NOTCH1: variants seen among roughly 807,000 people sequenced by gnomAD.
NOTCH1 encodes the protein notch receptor 1, also known as neurogenic locus notch homolog protein 1.
A neutral mutation model predicts 254.8 loss-of-function variants in NOTCH1; 37 were observed. The ratio of observed to expected loss-of-function variants is 0.15; its 90% CI spans 0.11 to 0.19. The LOEUF (loss-of-function observed/expected upper bound fraction) is 0.19, where lower values mean the gene tolerates loss of function less well. Among genes scored for constraint, NOTCH1 ranks in the 10% least tolerant of loss-of-function variants. The pLI is 1.00. For missense variants in NOTCH1, 2,972 were observed against 3,708.6 expected (o/e 0.80, Z 5.16); for synonymous variants, 1,731 against 1,618.1 (o/e 1.07, Z -1.68).
chr9:136,522,228 C>T (rs778038450), intron 4 of NOTCH1, among the ~76,000 whole-genome samples: 14 of 152,318 alleles, frequency 9.2e-5, no homozygotes, highest in Middle Eastern at 3.4e-3. Context: ...CTGCCCACCT[C>T]GGCCTCCCAA....
chr9:136,533,573 G>A (rs866453126), intron 2 of NOTCH1, among the ~76,000 whole-genome samples: 9 of 152,320 alleles, frequency 5.9e-5, no homozygotes, highest in African/African-American at 2.2e-4. Flanking sequence ...GGCAAGCCCA[G>A]CCCCTGCCTG....
intron 4 of NOTCH1, 72 bp downstream of exon 4, chr9:136,522,778 C>G: frequency 7.3e-7 from 1 of 1,371,846 alleles, no homozygotes; most frequent in East Asian, 2.5e-5. Context: ...CTACACCAGG[C>G]GCCCCGTTCC....
chr9:136,507,199 G>C, intron 22 of NOTCH1, 106 bp downstream of exon 22: 1 of 1,584,950 alleles, frequency 6.3e-7, no homozygotes, highest in Non-Finnish European at 8.6e-7. Context: ...GAAAATGGGA[G>C]TTTCTGGCTG....
At position 136,515,609 on chromosome 9, in the gene NOTCH1, G is replaced by C. The variant is rs2133363890; in HGVS notation, c.1777C>G (p.Pro593Ala). The C allele has an allele frequency of 6.2e-7, 1 of 1,609,048 alleles. No homozygotes were observed. Among genetic ancestry groups the C allele is most frequent in the Non-Finnish European group, 8.5e-7 (1 of 1,179,284 alleles). The change falls in exon 11 of 34, where the codon CCA (proline) becomes GCA (alanine). Residue 593 changes from proline (P) to alanine (A), a missense_variant. By Grantham distance (27) the Pro-to-Ala change is conservative. Around this residue, in one of 8 missense-constraint regions of NOTCH1, gnomAD observed 128 missense variants for 193.8 expected, o/e 0.66. Transcript: ENST00000651671. ...GVATFTCLCR[P>A]GYTGHHCETN... ...TCGCAGTGGTGGCCCGTGTAGCCTG[G>C]GCGGCAGAGGCAGGTGAAGGTGGCG...
intron 2 of NOTCH1, among the ~76,000 whole-genome samples, chr9:136,534,743 G>T (rs1256574345): frequency 6.6e-6 from 1 of 151,950 alleles, no homozygotes; most frequent in Non-Finnish European, 1.5e-5. Context: ...CGATGGGGCC[G>T]CTGTGTGTGC....
rs533558605 is a variant in NOTCH1 at position 136,537,745 on chromosome 9, G to A, written c.140+6279C>T. On this transcript the variant is annotated intron_variant, in intron 2 of 33. Transcript: ENST00000651671. Reference sequence around the variant, plus strand: ...CAGGAGTTTGAGGCTGCAGTCAGCCGTGATCCCACCACTTCACTCCAGCCT... The same window carrying A: ...CAGGAGTTTGAGGCTGCAGTCAGCCATGATCCCACCACTTCACTCCAGCCT... 3.9e-3 allele frequency among the ~76,000 whole-genome samples: 587 copies of A among 152,240 alleles called. 2 individuals carry two copies. The highest frequency in any genetic ancestry group is 0.013 in the African/African-American group (556 of 41,522).
chr9:136,535,347 C>G (rs184463631), intron 2 of NOTCH1, among the ~76,000 whole-genome samples: 1 of 152,108 alleles, frequency 6.6e-6, no homozygotes, highest in Non-Finnish European at 1.5e-5. Context: ...CGGGCTCAAT[C>G]TGGAGTGTAG....
At position 136,508,070 on chromosome 9, in the gene NOTCH1, C is replaced by A. The variant is rs1336014812; in HGVS notation, c.3395G>T (p.Arg1132Leu). 6.2e-7 allele frequency: 1 copy of A among 1,610,820 alleles called. No individual in the cohort carries two copies. Among genetic ancestry groups the A allele is most frequent in the Non-Finnish European group, 8.5e-7 (1 of 1,179,966 alleles). Residue 1132 changes from arginine to leucine, a missense_variant, in exon 21 of 34, where the codon CGC (arginine) becomes CTC (leucine). By Grantham distance (102) the Arg-to-Leu change is moderately radical. Around this residue, in one of 8 missense-constraint regions of NOTCH1, gnomAD observed 1,343 missense variants for 1,557.0 expected, o/e 0.86. Transcript: ENST00000651671. ...GCTGCCTGTGTAGCCCGCCTGGCAG[C>A]GGCAGTGGTGCGTGTTGCCCGCGTC... ...CVDAGNTHHC[R>L]CQAGYTGSYC...
rs901358696 is a variant in NOTCH1, at chr9:136,498,887, C to A, written c.6180+12G>T. ...CCTCACGTCTCCCCTGGCATCCCAG[C>A]CTCGCGCTCACCCTGTTGTTCTGCA... On this transcript the variant is annotated intron_variant, in intron 33 of 33. Transcript: ENST00000651671. 1 of 1,613,402 alleles carries A rather than the reference C, an allele frequency of 6.2e-7. No homozygotes were observed. Among genetic ancestry groups the A allele is most frequent in the Non-Finnish European group, 8.5e-7 (1 of 1,179,906 alleles).
chr9:136,519,654 G>T lies in NOTCH1; in HGVS notation c.743-89C>A, dbSNP rs768989263. The T allele has an allele frequency of 6.2e-6, 10 of 1,601,136 alleles. No individual in the cohort carries two copies. In the South Asian group the frequency reaches 7.7e-5, roughly 12 times the overall value. The stretch of plus-strand genomic sequence containing the variant: ...CCGACACACTGCTCTGGACACAAGA[G>T]CCTGGCCTCCACGGCCCTGCCCTGG... On this transcript the variant is annotated intron_variant, in intron 4 of 33. Transcript: ENST00000651671.
rs994509635 is a variant in NOTCH1, at chr9:136,508,148, G to A, written c.3326-9C>T. 4 of 1,607,968 alleles carry A rather than the reference G, an allele frequency of 2.5e-6. No homozygotes were observed. The highest frequency in any genetic ancestry group is 1.3e-5 in the African/African-American group (1 of 74,914). On this transcript the variant is annotated splice_polypyrimidine_tract_variant and intron_variant, in intron 20 of 33. Transcript: ENST00000651671. ...GCGGGCAACGTCAACACCTGCGGGG[G>A]ATGGGGTGGTAGACAGGTGAGGCCC...
chr9:136,507,807 C>A, intron 21 of NOTCH1, 148 bp downstream of exon 21: 1 of 868,598 alleles, frequency 1.2e-6, no homozygotes, highest in East Asian at 2.6e-5. Context: ...GCAGTCTACC[C>A]TGATTACCCC....
At chr9:136,502,799 G>A (rs1843019932) in intron 27 of NOTCH1, 1 of 563,828 alleles carries the variant, frequency 1.8e-6, no homozygotes, top group South Asian at 2.0e-5. Flanking sequence ...GGATTTAGAG[G>A]GATTTTCAAG....
chr9:136,504,511 G>A (rs1024599433), intron 26 of NOTCH1, among the ~76,000 whole-genome samples, 162 bp downstream of exon 26: 2 of 152,224 alleles, frequency 1.3e-5, no homozygotes, highest in African/African-American at 4.8e-5. Context: ...CCTTGCCTGC[G>A]CAGGCCCTGA....
Position 136,500,789 on chromosome 9 carries a change from G to T in NOTCH1, c.5697C>A (p.Asn1899Lys), listed in dbSNP as rs747229390. 1 of 1,601,498 alleles carries T rather than the reference G, an allele frequency of 6.2e-7. No individual in the cohort carries two copies. Residue 1899 changes from asparagine (N) to lysine (K), a missense_variant, in exon 31 of 34, where the codon AAC (asparagine) becomes AAA (lysine). Physicochemically the swap from Asn to Lys is moderately conservative, Grantham distance 94. This residue lies in a region of NOTCH1 where 421 missense variants were observed against 604.4 expected (regional missense o/e 0.70). Transcript: ENST00000651671. ...SCSGGGLETG[N>K]SEEEEDAPAV... Reference sequence around the variant, plus strand: ...CCGGCGCGTCCTCCTCTTCCTCGCTGTTGCCCGTCTCCAGGCCGCCCCCGC... The same window carrying T: ...CCGGCGCGTCCTCCTCTTCCTCGCTTTTGCCCGTCTCCAGGCCGCCCCCGC...
rs199839390 is a variant in NOTCH1 at position 136,496,509 on chromosome 9, C to T, written c.7230G>A (p.Pro2410=). The T allele has an allele frequency of 8.1e-6, 13 of 1,602,846 alleles. No individual in the cohort carries two copies. The highest frequency in any genetic ancestry group is 1.3e-5 in the African/African-American group (1 of 74,920). ...ANIQQQQSLQ[P]PPPPPQPHLG... ...GGTGCGGCTGTGGTGGTGGTGGTGG[C>T]GGCTGCAGGCTTTGCTGCTGCTGGA... The change falls in exon 34 of 34, where the codon CCG becomes CCA. Residue 2410 remains proline, a synonymous_variant. Transcript: ENST00000651671.
rs1351388102 is a variant in NOTCH1 at position 136,497,110 on chromosome 9, A to T, written c.6629T>A (p.Leu2210Gln). 2 of 1,611,238 alleles carry T rather than the reference A, an allele frequency of 1.2e-6. No individual in the cohort carries two copies. The highest frequency in any genetic ancestry group is 1.1e-5 in the South Asian group (1 of 91,058). ...VDSLESPHGYLSDVASPPLLP... is the reference protein window; with the variant it reads ...VDSLESPHGYQSDVASPPLLP... The stretch of plus-strand genomic sequence containing the variant: ...CAGTGGCGGCGAGGCCACGTCTGAC[A>T]GGTAGCCATGGGGTGACTCCAGGGA... Residue 2210 changes from leucine to glutamine, a missense_variant, in exon 34 of 34, where the codon CTG becomes CAG. Transcript: ENST00000651671.
At position 136,501,928 on chromosome 9, in the gene NOTCH1, T is replaced by G. The variant is rs969732701; in HGVS notation, c.5473-15A>C. 2 of 1,610,910 alleles carry G rather than the reference T, an allele frequency of 1.2e-6. No homozygotes were observed. Among genetic ancestry groups the G allele is most frequent in the East Asian group, 2.2e-5 (1 of 44,862 alleles). On this transcript the variant is annotated splice_polypyrimidine_tract_variant and intron_variant, in intron 29 of 33. Transcript: ENST00000651671. Reference sequence around the variant, plus strand: ...GGCTCCTCGAACTACATAGAGGGAGTGAGCAGAGCCTGTCAGGGCAGCCCG... The same window carrying G: ...GGCTCCTCGAACTACATAGAGGGAGGGAGCAGAGCCTGTCAGGGCAGCCCG...
rs920077656 is a variant in NOTCH1, at chr9:136,498,944, A to G, written c.6135T>C (p.Val2045=). The change falls in exon 33 of 34, where the codon GTT becomes GTC. Residue 2045 remains valine (V), a synonymous_variant. Transcript: ENST00000651671. ...TGTTAGCCCCGTTCTTCAGGAGCACAACTGCGGCATCCACATTGTTCACGG... is the reference window on the plus strand; with the variant it reads ...TGTTAGCCCCGTTCTTCAGGAGCACGACTGCGGCATCCACATTGTTCACGG... ...AAAVNNVDAA[V]VLLKNGANKD... is the part of the protein sequence containing the mutation. 18 of 1,613,670 alleles carry G rather than the reference A, an allele frequency of 1.1e-5. No homozygotes were observed. The highest frequency in any genetic ancestry group is 1.4e-5 in the Non-Finnish European group (16 of 1,180,010).
Sources: allele counts gnomAD v4.1 joint callset (sites outside exome capture counted in the v4.1 genomes callset), GRCh38; gene constraint gnomAD v4.1.1; regional missense constraint gnomAD v4.1.1; transcripts MANE v1.5; gene names NCBI Gene and HGNC (gene_info 2026-07-23, HGNC 2026-07-21).